PPARGC1B: variants seen among roughly 807,000 people sequenced by gnomAD.
PPARGC1B encodes the protein PPARG coactivator 1 beta.
Under a neutral mutation model 101.6 loss-of-function variants are expected in PPARGC1B, and 34 were observed. The ratio of observed to expected loss-of-function variants is 0.33; its 90% CI spans 0.25 to 0.45. The LOEUF is 0.45. Among genes scored for constraint, PPARGC1B ranks in the 20% least tolerant of loss-of-function variants. The pLI, the probability that PPARGC1B is intolerant of heterozygous loss-of-function variation, is 1.00. For synonymous variants in PPARGC1B, 548 were observed against 539.3 expected (o/e 1.02, Z -0.22); for missense variants, 1,234 against 1,317.6 (o/e 0.94, Z 0.98).
intron 9 of PPARGC1B, 87 bp from the exon 10 acceptor site, chr5:149,842,169 A>G: frequency 6.5e-7 from 1 of 1,539,092 alleles, no homozygotes; most frequent in Non-Finnish European, 8.9e-7. Context: ...ATGGACTAGG[A>G]CAAGGACTCC....
chr5:149,732,441 T>C (rs1754537106), intron 1 of PPARGC1B, among the ~76,000 whole-genome samples: 1 of 152,246 alleles, frequency 6.6e-6, no homozygotes, highest in South Asian at 2.1e-4. Flanking sequence ...ATCTTCAGTG[T>C]TTGGCTCAGC....
chr5:149,791,856 G>A (rs749340898), intron 1 of PPARGC1B, among the ~76,000 whole-genome samples: 2 of 152,138 alleles, frequency 1.3e-5, no homozygotes, highest in Non-Finnish European at 2.9e-5. Flanking sequence ...GCAGTTTTCC[G>A]TTTAAATATA....
chr5:149,798,137 T>A (rs1268685564), intron 1 of PPARGC1B, among the ~76,000 whole-genome samples: 1 of 152,184 alleles, frequency 6.6e-6, no homozygotes, highest in Non-Finnish European at 1.5e-5. Flanking sequence ...ACACAGCTGG[T>A]TAAGGGACCA....
intron 1 of PPARGC1B, among the ~76,000 whole-genome samples, chr5:149,791,758 C>G (rs1478800517): frequency 2.0e-5 from 3 of 152,190 alleles, no homozygotes; most frequent in African/African-American, 7.2e-5. Flanking sequence ...TCGAGCTGCT[C>G]TGATTGGCCT....
At chr5:149,761,039 G>T (rs761792583) in intron 1 of PPARGC1B, among the ~76,000 whole-genome samples, 6 of 152,202 alleles carry the variant, frequency 3.9e-5, no homozygotes, top group Admixed American at 6.5e-5. Context: ...ACACTCCATA[G>T]TGCAGACTGC....
intron 1 of PPARGC1B, among the ~76,000 whole-genome samples, chr5:149,789,614 T>C (rs1756941996): frequency 6.6e-6 from 1 of 152,222 alleles, no homozygotes; most frequent in Non-Finnish European, 1.5e-5. Flanking sequence ...ATGAAGTAGT[T>C]CCTATTGTTA....
At chr5:149,800,910 C>A (rs1301588097) in intron 1 of PPARGC1B, among the ~76,000 whole-genome samples, 1 of 152,238 alleles carries the variant, frequency 6.6e-6, no homozygotes, top group Admixed American at 6.5e-5. Context: ...GCTGAGGCGG[C>A]GGCACACGCC....
At chr5:149,772,946 GT>G (rs1451736762) in intron 1 of PPARGC1B, among the ~76,000 whole-genome samples, 4 of 152,196 alleles carry the variant, frequency 2.6e-5, no homozygotes, top group Non-Finnish European at 5.9e-5. Context: ...TGGTTGTACT[GT>G]GAACATACCT....
chr5:149,835,343 A>G lies in PPARGC1B; in HGVS notation c.1785A>G (p.Thr595=), dbSNP rs45458196. 5,189 of 1,614,148 alleles carry G rather than the reference A, an allele frequency of 3.2e-3. 145 individuals are homozygous for G. In the African/African-American group the frequency reaches 0.061, roughly 19 times the overall value. The change falls in exon 7 of 12, where the codon ACA becomes ACG. Residue 595 remains threonine (T), a synonymous_variant. Transcript: ENST00000309241. ...FGKKSFEQTL[T]VELCGTAGLT... The stretch of plus-strand genomic sequence containing the variant: ...AGAAGAGCTTTGAGCAGACCTTGAC[A>G]GTGGAGCTCTGTGGCACAGCAGGTG...
At chr5:149,754,974 A>G (rs1311247115) in intron 1 of PPARGC1B, among the ~76,000 whole-genome samples, 2 of 148,420 alleles carry the variant, frequency 1.3e-5, no homozygotes, top group Non-Finnish European at 3.0e-5. Context: ...ATGTAAACAC[A>G]CACACTATAT....
At chr5:149,782,870 C>T (rs1756643591) in intron 1 of PPARGC1B, among the ~76,000 whole-genome samples, 1 of 152,176 alleles carries the variant, frequency 6.6e-6, no homozygotes, top group Non-Finnish European at 1.5e-5. Context: ...TTCAACATTC[C>T]CTCCTGACCC....
At chr5:149,731,076 G>A (rs1054348465) in intron 1 of PPARGC1B, among the ~76,000 whole-genome samples, 7 of 152,238 alleles carry the variant, frequency 4.6e-5, no homozygotes, top group African/African-American at 1.4e-4. Context: ...GGGGGCGGAA[G>A]GACTGTCTGG....
intron 1 of PPARGC1B, among the ~76,000 whole-genome samples, chr5:149,803,519 C>T (rs1383980744): frequency 1.3e-5 from 2 of 152,154 alleles, no homozygotes; most frequent in African/African-American, 4.8e-5. Flanking sequence ...CTTACATGTG[C>T]GTATGGCAGG....
chr5:149,768,108 C>G (rs1045790281), intron 1 of PPARGC1B, among the ~76,000 whole-genome samples: 5 of 152,024 alleles, frequency 3.3e-5, no homozygotes, highest in Non-Finnish European at 7.4e-5. Context: ...GCAGAAAACC[C>G]TGCTTCACAG....
chr5:149,773,070 T>C (rs940555055), intron 1 of PPARGC1B, among the ~76,000 whole-genome samples: 3 of 152,178 alleles, frequency 2.0e-5, no homozygotes, highest in Admixed American at 2.0e-4. Flanking sequence ...TTGTGAGATA[T>C]TGTTCTGCCC....
At chr5:149,784,720 A>C (rs1756734551) in intron 1 of PPARGC1B, among the ~76,000 whole-genome samples, 1 of 151,780 alleles carries the variant, frequency 6.6e-6, no homozygotes, top group South Asian at 2.1e-4. Flanking sequence ...GGCGCCCGCC[A>C]CCACGCCCGG....
intron 1 of PPARGC1B, among the ~76,000 whole-genome samples, chr5:149,732,603 A>G (rs1076064): frequency 0.47 from 71,199 of 152,116 alleles, 17,644 homozygotes; most frequent in African/African-American, 0.64. Flanking sequence ...ATTTAACCAC[A>G]TGACAGGCCG....
At chr5:149,773,632 A>G (rs760946049) in intron 1 of PPARGC1B, among the ~76,000 whole-genome samples, 10 of 152,240 alleles carry the variant, frequency 6.6e-5, no homozygotes, top group Non-Finnish European at 1.2e-4. Flanking sequence ...TATCCAAATC[A>G]GTGTGTAGTT....
intron 1 of PPARGC1B, among the ~76,000 whole-genome samples, chr5:149,750,789 C>T (rs984285771): frequency 3.9e-5 from 6 of 152,222 alleles, no homozygotes; most frequent in Non-Finnish European, 8.8e-5. Context: ...CTGGATTTTG[C>T]AGCCGGGTGC....
Sources: gnomAD v4.1 joint callset for allele counts (sites outside exome capture counted in the v4.1 genomes callset) on GRCh38, gnomAD v4.1.1 for gene constraint, MANE v1.5 for transcripts, NCBI Gene and HGNC (gene_info 2026-07-23, HGNC 2026-07-21) for gene names.